LANCL3: variants seen among roughly 807,000 people sequenced by gnomAD.
The protein encoded by LANCL3 is LanC like family member 3.
LANCL3 carries 19 observed loss-of-function variants against 26.5 expected under a neutral mutation model. The ratio of observed to expected loss-of-function variants is 0.72; its 90% CI spans 0.50 to 1.05. The LOEUF is 1.05. Among genes scored for constraint, LANCL3 ranks in the 50% least tolerant of loss-of-function variants. The pLI is 0.00. For missense variants in LANCL3, 318 were observed against 362.7 expected (o/e 0.88, Z 1.00); for synonymous variants, 160 against 166.6 (o/e 0.96, Z 0.30).
At chrX:37,620,220 T>C (rs1925117906) in intron 1 of LANCL3, among the ~76,000 whole-genome samples, 1 of 111,356 alleles carries the variant, frequency 9.0e-6, no homozygotes, top group South Asian at 3.8e-4. Flanking sequence ...ATTCCCAAGA[T>C]GCTCCTCAAT....
rs897417007 is a variant in LANCL3, at chrX:37,680,055, C to T, written c.*4242C>T. ...GGGAGGGCAGATTTTCTCCTTATCTCTTCCATCCATGTCTGTTCTTAGCTA... is the reference window on the plus strand; with the variant it reads ...GGGAGGGCAGATTTTCTCCTTATCTTTTCCATCCATGTCTGTTCTTAGCTA... On this transcript the variant is annotated 3_prime_UTR_variant, in exon 5 of 5. Transcript: ENST00000378619. The T allele has an allele frequency of 1.8e-5, 2 of 111,461 alleles. No homozygotes were observed. Among genetic ancestry groups the T allele is most frequent in the African/African-American group, 6.5e-5 (2 of 30,602 alleles). 9.2% of individuals were successfully genotyped at this position (111,461 alleles called of 1,213,427 possible). A position where few individuals can be genotyped will look rare whatever the true frequency, so the allele number is the denominator to read the frequency against.
In LANCL3 at chrX:37,632,141, A is replaced by G. The variant is rs781950141; in HGVS notation, c.574-23547A>G. On this transcript the variant is annotated intron_variant, in intron 1 of 4. Transcript: ENST00000378619. ...GCTTTATGAATCTGGGTGCTCCTGT[A>G]TTGGTTGCATATATATTTAGGATAG... Among the ~76,000 whole-genome samples, 69 of 111,764 alleles carry G rather than the reference A, an allele frequency of 6.2e-4. 1 individual carries two copies. In the South Asian group the frequency reaches 0.023, roughly 37 times the overall value.
At chrX:37,660,858 A>G (rs1556432406) in intron 3 of LANCL3, among the ~76,000 whole-genome samples, 1 of 111,352 alleles carries the variant, frequency 9.0e-6, no homozygotes, top group Non-Finnish European at 1.9e-5. Context: ...TGTATTGGTC[A>G]TATTTTTTCT....
chrX:37,653,277 CA>C (rs782114479), intron 1 of LANCL3, among the ~76,000 whole-genome samples: 10 of 111,135 alleles, frequency 9.0e-5, no homozygotes, highest in Non-Finnish European at 1.7e-4. Flanking sequence ...CAGGCAAACA[CA>C]CACGTACACA....
In LANCL3 at chrX:37,667,630, C is replaced by A. The variant is rs185952354; in HGVS notation, c.1103+141C>A. 10 of 388,519 alleles carry A rather than the reference C, an allele frequency of 2.6e-5. No individual in the cohort carries two copies. The Admixed American group carries it at 5.0e-4, about 19-fold the overall frequency. 32.0% of individuals were successfully genotyped at this position (388,519 alleles called of 1,213,427 possible). ...CCTTGTAGCCATGCAGTTGACTTCC[C>A]TAGAGACAGTTTCTTGGTTATCTTC... On this transcript the variant is annotated intron_variant, in intron 4 of 4. Transcript: ENST00000378619.
chrX:37,581,909 C>A (rs782057834), intron 1 of LANCL3, among the ~76,000 whole-genome samples: 70 of 110,586 alleles, frequency 6.3e-4, no homozygotes, highest in African/African-American at 2.2e-3. Context: ...TTAGGTATAT[C>A]TCCTAATGCT....
intron 4 of LANCL3, among the ~76,000 whole-genome samples, chrX:37,675,215 C>CT (rs1926765737): frequency 8.9e-6 from 1 of 112,032 alleles, no homozygotes; most frequent in Non-Finnish European, 1.9e-5. Flanking sequence ...ACAGTCTCTG[C>CT]TTTTTGTCAT....
chrX:37,628,828 T>A (rs369026275), intron 1 of LANCL3, among the ~76,000 whole-genome samples: 1 of 110,382 alleles, frequency 9.1e-6, no homozygotes, highest in African/African-American at 3.3e-5. Context: ...GTACCACATT[T>A]TCTTAATCCA....
chrX:37,615,618 T>G (rs1556421620), intron 1 of LANCL3, among the ~76,000 whole-genome samples: 2 of 112,050 alleles, frequency 1.8e-5, no homozygotes, highest in East Asian at 5.6e-4. Context: ...ACTCAAATAA[T>G]TATATGCCTT....
At chrX:37,581,859 G>A (rs1923903530) in intron 1 of LANCL3, among the ~76,000 whole-genome samples, 1 of 110,995 alleles carries the variant, frequency 9.0e-6, no homozygotes, top group Non-Finnish European at 1.9e-5. Flanking sequence ...GTATATACGT[G>A]CCATGTTGGT....
chrX:37,619,289 ATTC>A (rs1556422055), intron 1 of LANCL3, among the ~76,000 whole-genome samples: 1 of 111,765 alleles, frequency 8.9e-6, no homozygotes, highest in Non-Finnish European at 1.9e-5. Context: ...TTGAAAGCAT[ATTC>A]TTTTCTACCA....
chrX:37,583,631 T>C (rs182238776), intron 1 of LANCL3, among the ~76,000 whole-genome samples: 2 of 112,006 alleles, frequency 1.8e-5, no homozygotes, highest in East Asian at 5.6e-4. Flanking sequence ...CTATCATTGG[T>C]GTAGAAGAAT....
intron 1 of LANCL3, among the ~76,000 whole-genome samples, chrX:37,633,693 A>C (rs1432552923): frequency 1.8e-5 from 2 of 111,431 alleles, no homozygotes; most frequent in East Asian, 2.8e-4. Context: ...CTAGAGGTCC[A>C]CTCCAGACCC....
intron 1 of LANCL3, among the ~76,000 whole-genome samples, chrX:37,628,442 G>T (rs34603809): frequency 0.33 from 36,052 of 109,573 alleles, 6,785 homozygotes; most frequent in African/African-American, 0.73. Context: ...TTTTCAACTT[G>T]ATGTTTTTTT....
chrX:37,655,654 G>C, intron 1 of LANCL3, 34 bp from the exon 2 acceptor site: 4 of 1,158,994 alleles, frequency 3.5e-6, no homozygotes, highest in Non-Finnish European at 4.6e-6. Flanking sequence ...AGGAGATCCT[G>C]CTTTGACTTC....
intron 1 of LANCL3, among the ~76,000 whole-genome samples, chrX:37,653,624 G>A (rs782053246): frequency 8.9e-6 from 1 of 112,473 alleles, no homozygotes; most frequent in South Asian, 3.7e-4. Flanking sequence ...TTTAAGTAGT[G>A]TAAGACTAAA....
intron 1 of LANCL3, among the ~76,000 whole-genome samples, chrX:37,636,672 A>G (rs1014158686): frequency 1.8e-5 from 2 of 111,781 alleles, no homozygotes; most frequent in Non-Finnish European, 3.8e-5. Flanking sequence ...CAATTCTTAG[A>G]AATGTCCCTC....
intron 1 of LANCL3, among the ~76,000 whole-genome samples, chrX:37,588,467 T>C (rs1924173581): frequency 8.9e-6 from 1 of 111,865 alleles, no homozygotes; most frequent in African/African-American, 3.3e-5. Flanking sequence ...TATGTATGCA[T>C]GTGTATATAA....
intron 1 of LANCL3, among the ~76,000 whole-genome samples, chrX:37,591,182 A>G (rs1362675497): frequency 8.9e-6 from 1 of 112,049 alleles, no homozygotes; most frequent in African/African-American, 3.2e-5. Context: ...GTAAAGTAGT[A>G]GAACCCACGT....
Sources: gnomAD v4.1 joint callset for allele counts (sites outside exome capture counted in the v4.1 genomes callset) on GRCh38, gnomAD v4.1.1 for gene constraint, MANE v1.5 for transcripts, NCBI Gene and HGNC (gene_info 2026-07-23, HGNC 2026-07-21) for gene names.